The following FNDC1 variants were observed in gnomAD, a reference collection of about 807,000 sequenced individuals.
FNDC1 encodes fibronectin type III domain-containing protein 1.
In FNDC1, 96 loss-of-function variants were observed where a neutral mutation model predicts 168.0. That is an observed-to-expected ratio of 0.57 (90% CI 0.48 to 0.68). The LOEUF is 0.68. FNDC1 is among the 30% of genes least tolerant of loss of function. The pLI is 0.00. For missense variants in FNDC1, 2,587 were observed against 2,482.1 expected (o/e 1.04, Z -0.90); for synonymous variants, 1,099 against 1,025.9 (o/e 1.07, Z -1.36).
At chr6:159,236,875 G>A (rs1386461491) in intron 12 of FNDC1, among the ~76,000 whole-genome samples, 3 of 152,192 alleles carry the variant, frequency 2.0e-5, no homozygotes, top group African/African-American at 4.8e-5. Context: ...TGTCTAAACA[G>A]CTTTAATTGC....
chr6:159,233,040 T>G lies in FNDC1; in HGVS notation c.2528T>G (p.Leu843Arg). Residue 843 changes from leucine (L) to arginine (R), a missense_variant, in exon 11 of 23, where the codon CTG (leucine) becomes CGG (arginine). Coordinates refer to ENST00000297267, the MANE Select transcript of FNDC1 (RefSeq NM_032532.3). The surrounding 1 kb of genome is among the most constrained non-coding windows in gnomAD (Gnocchi z 4.6). ...SRFSIGRGPR[L>R]QPSSSPQSTV... ...TTCAGCATTGGGCGGGGACCTCGGC[T>G]GCAGCCCTCCAGCTCCCCACAGTCG... 1 of 1,611,722 alleles carries G rather than the reference T, an allele frequency of 6.2e-7. No homozygotes were observed. The highest frequency in any genetic ancestry group is 8.5e-7 in the Non-Finnish European group (1 of 1,179,084).
At chr6:159,252,912 T>C (rs1188856722) in intron 17 of FNDC1, among the ~76,000 whole-genome samples, 1 of 152,212 alleles carries the variant, frequency 6.6e-6, no homozygotes, top group African/African-American at 2.4e-5. Context: ...GAGAGTGTAT[T>C]GGCCCCACCA....
At chr6:159,216,547 T>C (rs1782713519) in intron 5 of FNDC1, among the ~76,000 whole-genome samples, 2 of 152,152 alleles carry the variant, frequency 1.3e-5, no homozygotes, top group South Asian at 2.1e-4. Flanking sequence ...TGCTTCCTGC[T>C]TGTGGAGATA....
intron 4 of FNDC1, among the ~76,000 whole-genome samples, chr6:159,205,351 C>T (rs1054074388): frequency 1.3e-5 from 2 of 152,290 alleles, no homozygotes; most frequent in Admixed American, 1.3e-4. Flanking sequence ...AAAATGAGCA[C>T]CAACTTTAAG....
Position 159,261,204 on chromosome 6 carries a change from T to C in FNDC1, c.5189T>C (p.Val1730Ala). The change falls in exon 19 of 23, where the codon GTG becomes GCG. Residue 1730 changes from valine (V) to alanine (A), a missense_variant. Coordinates refer to ENST00000297267, the MANE Select transcript of FNDC1 (RefSeq NM_032532.3). ...TCCAACTTCAGGTATTATTTTAAAG[T>C]GCAAGCACAAAATCCTCATGGCTAC... is the stretch of plus-strand genomic sequence containing the variant. ...LKPNTRYYFK[V>A]QAQNPHGYGP... 6.2e-7 allele frequency: 1 copy of C among 1,612,258 alleles called. No individual in the cohort carries two copies. Among genetic ancestry groups the C allele is most frequent in the Non-Finnish European group, 8.5e-7 (1 of 1,179,010 alleles).
chr6:159,239,537 G>A lies in FNDC1; in HGVS notation c.4201G>A (p.Val1401Met), dbSNP rs1199134495. 1.2e-6 allele frequency: 2 copies of A among 1,601,780 alleles called. No homozygotes were observed. The highest frequency in any genetic ancestry group is 1.7e-6 in the Non-Finnish European group (2 of 1,172,594). Residue 1401 changes from valine to methionine, a missense_variant, in exon 14 of 23, where the codon GTG (valine) becomes ATG (methionine). Val to Met is a conservative substitution (Grantham distance 21). Coordinates refer to ENST00000297267, the MANE Select transcript of FNDC1 (RefSeq NM_032532.3). ...TIVDLEGTPV[V>M]SPDGLPLFGQ... Reference sequence around the variant, plus strand: ...TTCAGATCTGGAAGGGACCCCCGTGGTGAGTCCTGACGGCCTCCCACTCTT... The same window carrying A: ...TTCAGATCTGGAAGGGACCCCCGTGATGAGTCCTGACGGCCTCCCACTCTT...
In FNDC1 at chr6:159,234,170, G is replaced by T. The variant is rs754939145; in HGVS notation, c.3658G>T (p.Ala1220Ser). The change falls in exon 11 of 23, where the codon GCC (alanine) becomes TCC (serine). Residue 1220 changes from alanine (A) to serine (S), a missense_variant. By Grantham distance (99) the Ala-to-Ser change is moderately conservative. Transcript: ENST00000297267. Reference sequence around the variant, plus strand: ...CGGCAAAGACGCCGATGGGAGCCTCGCCAAGGAAGAGAGGGAGCCTGCCAT... The same window carrying T: ...CGGCAAAGACGCCGATGGGAGCCTCTCCAAGGAAGAGAGGGAGCCTGCCAT... ...RGGKDADGSL[A>S]KEEREPAIAL... 6 of 1,598,814 alleles carry T rather than the reference G, an allele frequency of 3.8e-6. No homozygotes were observed. The highest frequency in any genetic ancestry group is 2.2e-5 in the East Asian group (1 of 44,634).
intron 1 of FNDC1, among the ~76,000 whole-genome samples, chr6:159,190,337 G>A (rs1340406849): frequency 1.3e-5 from 2 of 152,238 alleles, no homozygotes; most frequent in Non-Finnish European, 2.9e-5. Context: ...GGGTGATTGG[G>A]AGGAGTACAG....
chr6:159,253,963 T>G (rs1777322378), intron 17 of FNDC1, among the ~76,000 whole-genome samples: 1 of 152,206 alleles, frequency 6.6e-6, no homozygotes, highest in Non-Finnish European at 1.5e-5. Flanking sequence ...ATGCAGGGCT[T>G]GACTGCACTG....
At chr6:159,242,723 C>G (rs2115004903) in intron 14 of FNDC1, among the ~76,000 whole-genome samples, 1 of 152,268 alleles carries the variant, frequency 6.6e-6, no homozygotes, top group East Asian at 1.9e-4. Context: ...CCCATGGAAA[C>G]CACTAACATA....
chr6:159,242,082 C>T lies in FNDC1; in HGVS notation c.4621+2125C>T, dbSNP rs1039178172. Among the ~76,000 whole-genome samples, 3 of 152,110 alleles carry T rather than the reference C, an allele frequency of 2.0e-5. No individual in the cohort carries two copies. In the South Asian group the frequency reaches 6.2e-4, roughly 32 times the overall value. On this transcript the variant is annotated intron_variant, in intron 14 of 22. Transcript: ENST00000297267. ...ACAATAGCAAAGAGATGGAGTCAACCCAAATGCCCATCAACGATAGACTAG... is the reference window on the plus strand; with the variant it reads ...ACAATAGCAAAGAGATGGAGTCAACTCAAATGCCCATCAACGATAGACTAG...
chr6:159,224,233 A>G (rs1334065127), intron 7 of FNDC1, among the ~76,000 whole-genome samples: 1 of 152,240 alleles, frequency 6.6e-6, no homozygotes, highest in African/African-American at 2.4e-5. Flanking sequence ...CATTTGCAAC[A>G]GCAATAAAAG....
intron 2 of FNDC1, among the ~76,000 whole-genome samples, chr6:159,199,286 T>A (rs372966362): frequency 6.6e-6 from 1 of 152,102 alleles, no homozygotes; most frequent in Non-Finnish European, 1.5e-5. Flanking sequence ...TCCTTTCCCA[T>A]CCCATCAACT....
rs1005002188 is a variant in FNDC1 at position 159,254,671 on chromosome 6, G to A, written c.5066-1852G>A. The stretch of plus-strand genomic sequence containing the variant: ...TGCAATGAGCCGAGATAGTGCCACT[G>A]CACTCCAGCCTGGGCAACAGAGCAA... On this transcript the variant is annotated intron_variant, in intron 17 of 22. Transcript: ENST00000297267. 9.9e-5 allele frequency among the ~76,000 whole-genome samples: 14 copies of A among 141,076 alleles called. 1 individual carries two copies. Among genetic ancestry groups the A allele is most frequent in the Admixed American group, 7.6e-4 (10 of 13,230 alleles). 92.6% of individuals were successfully genotyped at this position (141,076 alleles called of 152,430 possible).
intron 10 of FNDC1, 97 bp downstream of exon 10, chr6:159,230,100 C>T: frequency 3.6e-6 from 4 of 1,100,030 alleles, no homozygotes; most frequent in Non-Finnish European, 5.0e-6. Flanking sequence ...TGGAACTGCT[C>T]AGCAGATGAT....
intron 17 of FNDC1, among the ~76,000 whole-genome samples, chr6:159,252,598 G>C (rs1031394275): frequency 1.3e-5 from 2 of 152,200 alleles, no homozygotes; most frequent in African/African-American, 4.8e-5. Flanking sequence ...GGAACTAAAA[G>C]TGCAGTCCTG....
rs534226257 is a variant in FNDC1 at position 159,233,585 on chromosome 6, G to C, written c.3073G>C (p.Gly1025Arg). Residue 1025 changes from glycine to arginine, a missense_variant, in exon 11 of 23, where the codon GGT becomes CGT. Gly to Arg is a moderately radical substitution (Grantham distance 125). Coordinates refer to ENST00000297267, the MANE Select transcript of FNDC1 (RefSeq NM_032532.3). This position sits in a 1 kb window ranked among gnomAD's most constrained non-coding sequence, Gnocchi z 4.6. ...HHPGPQSRDA[G>R]RSPSQPRLSL... Reference sequence around the variant, plus strand: ...CCCGGGACCCCAGAGCAGAGACGCGGGTCGGTCACCTTCCCAGCCCAGGCT... The same window carrying C: ...CCCGGGACCCCAGAGCAGAGACGCGCGTCGGTCACCTTCCCAGCCCAGGCT... 3.2e-6 allele frequency: 5 copies of C among 1,584,062 alleles called. No individual in the cohort carries two copies. Among genetic ancestry groups the C allele is most frequent in the Non-Finnish European group, 4.3e-6 (5 of 1,168,622 alleles).
chr6:159,243,715 A>G (rs1392027069), intron 14 of FNDC1, among the ~76,000 whole-genome samples: 1 of 152,214 alleles, frequency 6.6e-6, no homozygotes, highest in African/African-American at 2.4e-5. Flanking sequence ...GGTGGGCCAA[A>G]GTAAGGTGGT....
At chr6:159,203,263 GAATT>G (rs1782414514) in intron 4 of FNDC1, among the ~76,000 whole-genome samples, 1 of 152,168 alleles carries the variant, frequency 6.6e-6, no homozygotes, top group Non-Finnish European at 1.5e-5. Flanking sequence ...AACACATCAT[GAATT>G]ATTTTAAAAA....
Sources: allele counts gnomAD v4.1 joint callset (sites outside exome capture counted in the v4.1 genomes callset), GRCh38; gene constraint gnomAD v4.1.1; non-coding constraint Gnocchi (gnomAD v3.1); transcripts MANE v1.5; gene names NCBI Gene and HGNC (gene_info 2026-07-23, HGNC 2026-07-21).